ROCK1: variants seen among roughly 807,000 people sequenced by gnomAD.
The protein encoded by ROCK1 is Rho associated coiled-coil containing protein kinase 1.
ROCK1 carries 36 observed loss-of-function variants against 196.8 expected under a neutral mutation model. The observed-to-expected ratio is 0.18, with a 90% CI of 0.14 to 0.24. The LOEUF is 0.24. Ranked by LOEUF, ROCK1 falls within the 10% of genes least tolerant of loss-of-function variation. ROCK1 has a pLI of 1.00. For missense variants in ROCK1, 920 were observed against 1,562.0 expected (o/e 0.59, Z 6.93); for synonymous variants, 443 against 515.9 (o/e 0.86, Z 1.91).
At chr18:21,077,646 T>C (rs530499251) in intron 1 of ROCK1, among the ~76,000 whole-genome samples, 8 of 151,980 alleles carry the variant, frequency 5.3e-5, no homozygotes, top group Non-Finnish European at 1.2e-4. Flanking sequence ...AAAGCAGCCA[T>C]GTATACAGGA....
At chr18:20,992,959 C>G (rs765810782) in intron 16 of ROCK1, 22 bp from the exon 17 acceptor site, 12 of 1,475,506 alleles carry the variant, frequency 8.1e-6, no homozygotes, top group Non-Finnish European at 1.1e-5. Context: ...GAAAAAAGTT[C>G]AAGTCTGTAG....
intron 25 of ROCK1, among the ~76,000 whole-genome samples, 188 bp from the exon 26 acceptor site, chr18:20,968,128 G>T (rs1183407783): frequency 6.6e-6 from 1 of 152,116 alleles, no homozygotes; most frequent in Non-Finnish European, 1.5e-5. Context: ...CTACTTAAAT[G>T]TAAGAACCAG....
At chr18:21,107,914 C>T (rs750832574) in intron 1 of ROCK1, among the ~76,000 whole-genome samples, 1 of 151,910 alleles carries the variant, frequency 6.6e-6, no homozygotes, top group South Asian at 2.1e-4. Context: ...ATTAGCCAGG[C>T]GTGGTAGTGC....
intron 1 of ROCK1, among the ~76,000 whole-genome samples, chr18:21,108,288 T>C (rs570782254): frequency 1.3e-5 from 2 of 152,356 alleles, no homozygotes; most frequent in East Asian, 1.9e-4. Context: ...TCTGGAGGCC[T>C]TGATGGCTTA....
intron 16 of ROCK1, among the ~76,000 whole-genome samples, chr18:21,002,955 G>T (rs1452909760): frequency 2.0e-5 from 3 of 151,770 alleles, no homozygotes; most frequent in African/African-American, 7.3e-5. Context: ...GTTCAGGCTG[G>T]CCTCAAACTC....
At chr18:21,020,929 A>C (rs2035908145) in intron 11 of ROCK1, among the ~76,000 whole-genome samples, 1 of 152,224 alleles carries the variant, frequency 6.6e-6, no homozygotes, top group South Asian at 2.1e-4. Flanking sequence ...ATGAGAAATG[A>C]CATAATACTG....
chr18:21,045,899 G>GTTTCTT lies in ROCK1; in HGVS notation c.415-433_415-432insAAGAAA, dbSNP rs746861081. Among the ~76,000 whole-genome samples the GTTTCTT allele has an allele frequency of 3.7e-4, 23 of 62,494 alleles. 3 individuals are homozygous for GTTTCTT. The highest frequency in any genetic ancestry group is 1.6e-3 in the African/African-American group (23 of 14,370). The allele number at this position is 62,494 out of a possible 152,430, so 41.0% of individuals were successfully genotyped here. On this transcript the variant is annotated intron_variant, in intron 4 of 32. Coordinates refer to ENST00000399799, the MANE Select transcript of ROCK1 (RefSeq NM_005406.3). ...ATAAATTTGGCTTACAGTTTCAGCT[G>GTTTCTT]TTTTTTTTTTTTTTTTTTTTTTTTT... is the stretch of plus-strand genomic sequence containing the variant.
At chr18:20,975,480 T>G (rs2035471631) in intron 22 of ROCK1, among the ~76,000 whole-genome samples, 1 of 152,184 alleles carries the variant, frequency 6.6e-6, no homozygotes, top group Non-Finnish European at 1.5e-5. Flanking sequence ...TAATACCTAT[T>G]CTCATCTCTA....
chr18:21,110,271 T>G (rs2036739075), intron 1 of ROCK1, among the ~76,000 whole-genome samples: 1 of 152,176 alleles, frequency 6.6e-6, no homozygotes, highest in Admixed American at 6.5e-5. Context: ...TATCTTGGTT[T>G]TTTACAATAG....
At chr18:21,096,855 C>T (rs2036617117) in intron 1 of ROCK1, among the ~76,000 whole-genome samples, 1 of 152,096 alleles carries the variant, frequency 6.6e-6, no homozygotes, top group African/African-American at 2.4e-5. Flanking sequence ...TCAAGGAATT[C>T]TCATTAGGTA....
At chr18:21,014,739 G>A (rs1257868941) in intron 13 of ROCK1, among the ~76,000 whole-genome samples, 1 of 151,940 alleles carries the variant, frequency 6.6e-6, no homozygotes, top group East Asian at 1.9e-4. Context: ...ATTCTATAAG[G>A]GAAGAAAAAA....
intron 1 of ROCK1, among the ~76,000 whole-genome samples, chr18:21,106,254 A>T (rs2036702215): frequency 6.6e-6 from 1 of 152,208 alleles, no homozygotes; most frequent in Non-Finnish European, 1.5e-5. Context: ...TTTCATGAAA[A>T]GTATGTCAAA....
chr18:20,972,847 T>TA (rs1313010268), intron 22 of ROCK1, among the ~76,000 whole-genome samples: 4 of 152,088 alleles, frequency 2.6e-5, no homozygotes, highest in South Asian at 2.1e-4. Flanking sequence ...AAGTTGGCTA[T>TA]AAAAAAAAGA....
chr18:21,111,246 G>A lies in ROCK1; in HGVS notation c.-336C>T. The A allele has an allele frequency of 2.1e-6, 1 of 487,802 alleles. No homozygotes were observed. Among genetic ancestry groups the A allele is most frequent in the East Asian group, 3.3e-5 (1 of 30,528 alleles). The allele number at this position is 487,802 out of a possible 1,614,324, so 30.2% of individuals were successfully genotyped here. On this transcript the variant is annotated 5_prime_UTR_variant, in exon 1 of 33. Transcript: ENST00000399799. The surrounding 1 kb of genome is among the most constrained non-coding windows in gnomAD (Gnocchi z 4.2). ...GGCCCCGGCCGCCGTCGCCATGGAG[G>A]GGTCCCCGTCCCGAGATGGGCAGGA...
intron 1 of ROCK1, among the ~76,000 whole-genome samples, chr18:21,106,917 G>T (rs919488725): frequency 2.6e-5 from 4 of 152,170 alleles, no homozygotes; most frequent in African/African-American, 7.2e-5. Flanking sequence ...ACTACTGCAG[G>T]TTGAGTATCC....
chr18:21,075,774 G>A (rs979891419), intron 1 of ROCK1, among the ~76,000 whole-genome samples: 2 of 151,906 alleles, frequency 1.3e-5, no homozygotes, highest in Non-Finnish European at 2.9e-5. Flanking sequence ...CCAACATGGA[G>A]AAACCCCTTC....
At chr18:20,995,134 A>G (rs534347726) in intron 16 of ROCK1, among the ~76,000 whole-genome samples, 1 of 152,328 alleles carries the variant, frequency 6.6e-6, no homozygotes, top group African/African-American at 2.4e-5. Context: ...GTTAACAATA[A>G]CATACTGCAT....
At chr18:21,107,191 G>A (rs773055665) in intron 1 of ROCK1, among the ~76,000 whole-genome samples, 34 of 152,118 alleles carry the variant, frequency 2.2e-4, no homozygotes, top group Non-Finnish European at 4.1e-4. Context: ...CACTTATGGC[G>A]TCATGTCAGC....
chr18:21,035,447 C>A (rs1302914803), intron 9 of ROCK1, among the ~76,000 whole-genome samples: 2 of 152,132 alleles, frequency 1.3e-5, no homozygotes, highest in African/African-American at 4.8e-5. Context: ...ATCTCTTGAG[C>A]CCTGGAGTTT....
Sources: allele counts gnomAD v4.1 joint callset (sites outside exome capture counted in the v4.1 genomes callset), GRCh38; gene constraint gnomAD v4.1.1; non-coding constraint Gnocchi (gnomAD v3.1); transcripts MANE v1.5; gene names NCBI Gene and HGNC (gene_info 2026-07-23, HGNC 2026-07-21).